Variants in MERTK observed in about 807,000 individuals in gnomAD.
MERTK encodes tyrosine-protein kinase Mer.
MERTK carries 69 observed loss-of-function variants against 99.3 expected under a neutral mutation model. That is an observed-to-expected ratio of 0.70 (90% CI 0.57 to 0.85). The LOEUF is 0.85. Ranked by LOEUF, MERTK falls within the 40% of genes least tolerant of loss-of-function variation. The probability of loss-of-function intolerance (pLI) is 0.00; values close to 1 mark genes in which losing one functional copy is unlikely to be tolerated. For synonymous variants in MERTK, 426 were observed against 467.6 expected (o/e 0.91, Z 1.15); for missense variants, 1,125 against 1,249.4 (o/e 0.90, Z 1.50).
intron 1 of MERTK, among the ~76,000 whole-genome samples, chr2:111,902,615 A>T (rs1431845299): frequency 1.3e-5 from 2 of 151,928 alleles, no homozygotes; most frequent in Non-Finnish European, 2.9e-5. Context: ...AGATCTCGGC[A>T]TGCTGGCTTC....
chr2:112,008,348 T>C (rs374653302), intron 13 of MERTK, 35 bp from the exon 14 acceptor site: 16 of 1,526,598 alleles, frequency 1.0e-5, no homozygotes, highest in Admixed American at 1.0e-4. Context: ...TTGAGTAAAT[T>C]ATCCATACTT....
intron 1 of MERTK, among the ~76,000 whole-genome samples, chr2:111,907,525 A>G (rs548385938): frequency 1.3e-5 from 2 of 152,336 alleles, no homozygotes; most frequent in East Asian, 3.9e-4. Flanking sequence ...GGGCAATAGA[A>G]TAGTCTGGAA....
At chr2:111,965,105 A>G (rs567878188) in intron 4 of MERTK, 86 bp from the exon 5 acceptor site, 11 of 1,293,578 alleles carry the variant, frequency 8.5e-6, no homozygotes, top group Middle Eastern at 1.9e-4. Flanking sequence ...ACCAAGAAAT[A>G]AAATAATACA....
chr2:111,945,163 T>C, intron 3 of MERTK, 103 bp downstream of exon 3: 1 of 870,054 alleles, frequency 1.1e-6, no homozygotes, highest in Non-Finnish European at 1.9e-6. Flanking sequence ...TGCCTATTTA[T>C]AACTCTGTAT....
At chr2:111,921,294 GT>G (rs931535415) in intron 1 of MERTK, among the ~76,000 whole-genome samples, 1 of 152,150 alleles carries the variant, frequency 6.6e-6, no homozygotes, top group Non-Finnish European at 1.5e-5. Context: ...GAGGTTAGGA[GT>G]TCGACACCAG....
intron 8 of MERTK, among the ~76,000 whole-genome samples, chr2:111,988,863 C>G (rs1389256467): frequency 6.6e-6 from 1 of 152,148 alleles, no homozygotes; most frequent in Admixed American, 6.5e-5. Flanking sequence ...GCAGGAGAAT[C>G]GCTTGAATCT....
At chr2:112,020,605 A>T in intron 16 of MERTK, 3 of 471,042 alleles carry the variant, frequency 6.4e-6, no homozygotes, top group Non-Finnish European at 1.3e-5. Context: ...TTCCTCAAGC[A>T]CCCACCTGGC....
intron 4 of MERTK, among the ~76,000 whole-genome samples, chr2:111,963,161 G>C: frequency 6.6e-6 from 1 of 152,172 alleles, no homozygotes; most frequent in East Asian, 1.9e-4. Flanking sequence ...CTTTAGATAT[G>C]CATACACATA....
At chr2:111,926,056 C>T (rs1266804894) in intron 1 of MERTK, among the ~76,000 whole-genome samples, 3 of 151,912 alleles carry the variant, frequency 2.0e-5, no homozygotes, top group Non-Finnish European at 4.4e-5. Flanking sequence ...TGGTCTCGAT[C>T]TCCTGACCTC....
intron 8 of MERTK, among the ~76,000 whole-genome samples, chr2:111,990,038 G>C (rs1676583186): frequency 6.6e-6 from 1 of 152,158 alleles, no homozygotes; most frequent in Admixed American, 6.5e-5. Context: ...CAACTTATGT[G>C]ATCTGTACCC....
intron 15 of MERTK, among the ~76,000 whole-genome samples, chr2:112,014,021 A>ATT (rs1279471792): frequency 3.9e-5 from 5 of 126,864 alleles, no homozygotes; most frequent in Non-Finnish European, 5.0e-5. Flanking sequence ...TGCCTGGCTT[A>ATT]TTTTTTTTTT....
intron 2 of MERTK, among the ~76,000 whole-genome samples, chr2:111,936,251 G>T (rs1274384634): frequency 2.6e-5 from 4 of 152,104 alleles, no homozygotes; most frequent in Non-Finnish European, 5.9e-5. Context: ...TTATTGCATA[G>T]ATGATTACAT....
rs932560244 is a variant in MERTK at position 112,019,118 on chromosome 2, C to T, written c.2080-295C>T. Among the ~76,000 whole-genome samples the T allele has an allele frequency of 4.6e-5, 7 of 152,120 alleles. No homozygotes were observed. In the South Asian group the frequency reaches 1.0e-3, roughly 23 times the overall value. On this transcript the variant is annotated intron_variant, in intron 15 of 18. Coordinates refer to ENST00000295408, the MANE Select transcript of MERTK (RefSeq NM_006343.3). ...GCTCTGTCCCACTCTGAAGGATACA[C>T]GGAAGGATCACGTTTGACCTCATAC...
At chr2:112,000,247 A>AATT (rs1294152477) in intron 10 of MERTK, among the ~76,000 whole-genome samples, 1 of 152,218 alleles carries the variant, frequency 6.6e-6, no homozygotes, top group Non-Finnish European at 1.5e-5. Context: ...GGGTCCTGAC[A>AATT]ATTAGTACAA....
In MERTK at chr2:111,947,479, G is replaced by A. The variant is rs750984679; in HGVS notation, c.669G>A (p.Pro223=). The A allele has an allele frequency of 3.6e-5, 58 of 1,614,022 alleles. No homozygotes were observed. Among genetic ancestry groups the A allele is most frequent in the South Asian group, 1.6e-4 (15 of 91,086 alleles). The change falls in exon 4 of 19, where the codon CCG becomes CCA. Residue 223 remains proline, a synonymous_variant. Transcript: ENST00000295408. ...AFNLTCQAVG[P]PEPVNIFWVQ... is the part of the protein sequence containing the mutation. ...ACCTCACCTGTCAGGCTGTGGGCCC[G>A]CCTGAGCCCGTCAACATTTTCTGGG...
At chr2:112,014,745 C>G (rs558495791) in intron 15 of MERTK, among the ~76,000 whole-genome samples, 1 of 152,128 alleles carries the variant, frequency 6.6e-6, no homozygotes, top group East Asian at 1.9e-4. Flanking sequence ...TAGCAATTCT[C>G]CTGCCTTAGC....
rs183897652 is a variant in MERTK at position 111,999,324 on chromosome 2, G to T, written c.1604+1848G>T. Among the ~76,000 whole-genome samples the T allele has an allele frequency of 6.6e-5, 10 of 152,006 alleles. No individual in the cohort carries two copies. In the East Asian group the frequency reaches 1.7e-3, roughly 26 times the overall value. The stretch of plus-strand genomic sequence containing the variant: ...AAATTAATTTATTTTTTTGAGACAG[G>T]ATCTTGCTCTGTCGTCCAGGCTGGA... On this transcript the variant is annotated intron_variant, in intron 10 of 18. Transcript: ENST00000295408.
intron 6 of MERTK, 38 bp from the exon 7 acceptor site, chr2:111,975,251 T>A: frequency 1.2e-6 from 2 of 1,609,540 alleles, no homozygotes; most frequent in Non-Finnish European, 8.5e-7. Flanking sequence ...TCCCACCACC[T>A]TACTAATGCC....
chr2:111,952,684 TTCC>T (rs1683944209), intron 4 of MERTK: 1 of 152,210 alleles, frequency 6.6e-6, no homozygotes, highest in African/African-American at 2.4e-5. Flanking sequence ...CACACTAATC[TTCC>T]CTGTTATTGT....
Sources: allele counts gnomAD v4.1 joint callset (sites outside exome capture counted in the v4.1 genomes callset), GRCh38; gene constraint gnomAD v4.1.1; transcripts MANE v1.5; gene names NCBI Gene and HGNC (gene_info 2026-07-23, HGNC 2026-07-21).